TEX9: variants seen among roughly 807,000 people sequenced by gnomAD.
TEX9 encodes the protein testis expressed 9.
A neutral mutation model predicts 59.6 loss-of-function variants in TEX9; 74 were observed. That is an observed-to-expected ratio of 1.24 (90% CI 1.03 to 1.51). TEX9 has a LOEUF of 1.51. Ranked by LOEUF, TEX9 falls within the 40% of genes most tolerant of loss-of-function variation. TEX9 has a pLI of 0.00. For missense variants in TEX9, 522 were observed against 447.8 expected (o/e 1.17, Z -1.49); for synonymous variants, 186 against 152.2 (o/e 1.22, Z -1.64).
intron 1 of TEX9, among the ~76,000 whole-genome samples, chr15:56,247,359 G>T (rs559816148): frequency 2.4e-4 from 37 of 152,304 alleles, no homozygotes; most frequent in Admixed American, 1.0e-3. Flanking sequence ...CACTAGTGTT[G>T]TGGAGTCATA....
At chr15:56,273,115 G>A (rs1455822191) in intron 1 of TEX9, among the ~76,000 whole-genome samples, 2 of 151,700 alleles carry the variant, frequency 1.3e-5, no homozygotes, top group Admixed American at 6.6e-5. Flanking sequence ...CACCACACCC[G>A]GCTAATTTTT....
chr15:56,408,972 CG>C (rs1333014176), intron 9 of TEX9: 1 of 152,296 alleles, frequency 6.6e-6, no homozygotes, highest in African/African-American at 2.4e-5. Flanking sequence ...CCGAGGCGGG[CG>C]GATCACAAGG....
intron 2 of TEX9, among the ~76,000 whole-genome samples, chr15:56,372,683 C>T (rs2047246769): frequency 1.3e-5 from 2 of 151,878 alleles, no homozygotes; most frequent in Admixed American, 1.3e-4. Flanking sequence ...TGTGTGTATG[C>T]TATAGATGAA....
intron 1 of TEX9, among the ~76,000 whole-genome samples, chr15:56,285,988 G>A (rs2044944511): frequency 1.3e-5 from 2 of 152,078 alleles, no homozygotes; most frequent in African/African-American, 4.8e-5. Flanking sequence ...GTGCAAGATA[G>A]GCCATTGGAT....
chr15:56,320,768 T>G (rs539451032), intron 1 of TEX9, among the ~76,000 whole-genome samples: 1 of 152,322 alleles, frequency 6.6e-6, no homozygotes, highest in East Asian at 1.9e-4. Context: ...GCTATGATAA[T>G]TACACCTTAT....
chr15:56,252,295 C>T (rs2141300929), intron 1 of TEX9, among the ~76,000 whole-genome samples: 1 of 151,688 alleles, frequency 6.6e-6, no homozygotes, highest in South Asian at 2.1e-4. Context: ...TTTTAATCTT[C>T]TCTATATCTC....
At chr15:56,253,019 G>C (rs1465280758) in intron 1 of TEX9, among the ~76,000 whole-genome samples, 1 of 152,084 alleles carries the variant, frequency 6.6e-6, no homozygotes, top group Non-Finnish European at 1.5e-5. Flanking sequence ...GGAATAGATT[G>C]ATGGCAGGGG....
At chr15:56,344,543 C>T (rs566196411) in intron 1 of TEX9, among the ~76,000 whole-genome samples, 17 of 152,028 alleles carry the variant, frequency 1.1e-4, no homozygotes, top group African/African-American at 2.4e-4. Flanking sequence ...TTAATGGGCA[C>T]GGGGTTTCTT....
chr15:56,277,016 G>T (rs1430564900), intron 1 of TEX9, among the ~76,000 whole-genome samples: 15 of 149,852 alleles, frequency 1.0e-4, no homozygotes, highest in African/African-American at 3.4e-4. Context: ...GGGGTTGTTT[G>T]TTTTTTTTTT....
intron 1 of TEX9, among the ~76,000 whole-genome samples, chr15:56,310,058 C>T (rs1406576598): frequency 3.3e-5 from 5 of 152,160 alleles, no homozygotes; most frequent in Admixed American, 3.3e-4. Flanking sequence ...ATTCCTCTGG[C>T]AGCCTTGAGT....
At chr15:56,438,886 A>G (rs1253065532) in intron 12 of TEX9, among the ~76,000 whole-genome samples, 2 of 152,194 alleles carry the variant, frequency 1.3e-5, no homozygotes, top group Non-Finnish European at 2.9e-5. Context: ...AGACAAGAAC[A>G]GGAAAGGTGA....
chr15:56,429,075 C>T, intron 12 of TEX9: 2 of 1,475,668 alleles, frequency 1.4e-6, no homozygotes, highest in Non-Finnish European at 1.9e-6. Context: ...TGCAAAAAAT[C>T]TATGCTTTAC....
chr15:56,427,018 A>G (rs2050316431), intron 10 of TEX9, among the ~76,000 whole-genome samples: 1 of 152,036 alleles, frequency 6.6e-6, no homozygotes, highest in African/African-American at 2.4e-5. Flanking sequence ...TTTGAGGGAA[A>G]TACGTATGCA....
chr15:56,309,469 G>C (rs189911720), intron 1 of TEX9, among the ~76,000 whole-genome samples: 1 of 151,980 alleles, frequency 6.6e-6, no homozygotes, highest in Non-Finnish European at 1.5e-5. Flanking sequence ...CTAGTATTTC[G>C]TTGATGGTTG....
At chr15:56,292,495 A>G (rs2045117773) in intron 1 of TEX9, among the ~76,000 whole-genome samples, 1 of 152,198 alleles carries the variant, frequency 6.6e-6, no homozygotes, top group South Asian at 2.1e-4. Flanking sequence ...TAGCAACTAC[A>G]GCCTGGGAAG....
At chr15:56,297,637 T>A (rs2045248181) in intron 1 of TEX9, among the ~76,000 whole-genome samples, 1 of 152,222 alleles carries the variant, frequency 6.6e-6, no homozygotes. Flanking sequence ...CCTGAATAGC[T>A]GGGATTACAG....
At chr15:56,460,009 A>ACATAT in the TEX9 span, among the ~76,000 whole-genome samples, 1 of 26,406 alleles carries the variant, frequency 3.8e-5, no homozygotes, top group Non-Finnish European at 7.0e-5. Flanking sequence ...AAAAAAAAAA[A>ACATAT]ATACATATAT....
At chr15:56,317,454 G>C (rs1158245445) in intron 1 of TEX9, among the ~76,000 whole-genome samples, 1 of 152,096 alleles carries the variant, frequency 6.6e-6, no homozygotes, top group Non-Finnish European at 1.5e-5. Context: ...CTAAAGGTTT[G>C]TCAGTTTTGT....
At chr15:56,384,822 G>A (rs1211267108) in intron 4 of TEX9, among the ~76,000 whole-genome samples, 2 of 152,120 alleles carry the variant, frequency 1.3e-5, no homozygotes, top group African/African-American at 2.4e-5. Context: ...TGTTCTCTGG[G>A]GAAAGAGGCT....
Sources: gnomAD v4.1 joint callset for allele counts (sites outside exome capture counted in the v4.1 genomes callset) on GRCh38, gnomAD v4.1.1 for gene constraint, MANE v1.5 for transcripts, NCBI Gene and HGNC (gene_info 2026-07-23, HGNC 2026-07-21) for gene names.